The following EFTUD2 variants were observed in gnomAD, a reference collection of about 807,000 sequenced individuals.
The protein encoded by EFTUD2 is 116 kDa U5 small nuclear ribonucleoprotein component.
In EFTUD2, 9 loss-of-function variants were observed where a neutral mutation model predicts 114.3. The observed-to-expected ratio is 0.08, with a 90% CI of 0.05 to 0.14. EFTUD2 has a LOEUF of 0.14. Ranked by LOEUF, EFTUD2 falls within the 10% of genes least tolerant of loss-of-function variation. EFTUD2 has a pLI of 1.00. For synonymous variants in EFTUD2, 449 were observed against 462.3 expected, an observed-to-expected ratio of 0.97 and a Z score of 0.37; for missense variants, 765 against 1,241.2, an observed-to-expected ratio of 0.62 and a Z score of 5.76.
rs1300729296 is a variant in EFTUD2, at chr17:44,851,754, G to A, written c.2779C>T (p.Pro927Ser). Residue 927 changes from proline (P) to serine (S), a missense_variant, in exon 27 of 28, where the codon CCT becomes TCT. Pro to Ser is a moderately conservative substitution (Grantham distance 74). This residue lies in a region of EFTUD2 where 166 missense variants were observed against 401.5 expected (regional missense o/e 0.41). Transcript: ENST00000426333. ...ATCATGAATTCCCGGGCCAGGTGAGGAGCTGGCTGTGGCTCCAAGGGGCGG... is the reference window on the plus strand; with the variant it reads ...ATCATGAATTCCCGGGCCAGGTGAGAAGCTGGCTGTGGCTCCAAGGGGCGG... ...VIRPLEPQPA[P>S]HLAREFMIKT... 1 of 1,601,212 alleles carries A rather than the reference G, an allele frequency of 6.2e-7. No homozygotes were observed. Among genetic ancestry groups the A allele is most frequent in the Non-Finnish European group, 8.5e-7 (1 of 1,175,420 alleles).
chr17:44,869,460 A>G (rs2050808263), intron 11 of EFTUD2, among the ~76,000 whole-genome samples: 1 of 151,934 alleles, frequency 6.6e-6, no homozygotes, highest in Admixed American at 6.6e-5. Flanking sequence ...CATCACGGCC[A>G]GCTAATTTTT....
At position 44,850,144 on chromosome 17, in the gene EFTUD2, A is replaced by T; in HGVS notation, c.*1130T>A. 1.8e-6 allele frequency: 1 copy of T among 554,058 alleles called. No homozygotes were observed. Among genetic ancestry groups the T allele is most frequent in the Non-Finnish European group, 3.3e-6 (1 of 307,100 alleles). The allele number at this position is 554,058 out of a possible 1,614,324, so 34.3% of individuals were successfully genotyped here. A position where few individuals can be genotyped will look rare whatever the true frequency, so the allele number is the denominator to read the frequency against. Reference sequence around the variant, plus strand: ...ATGTGAAAGTGTTTCGTGAACTGTCAGATAAGTGGTTTCCCCAGGTTGTGT... The same window carrying T: ...ATGTGAAAGTGTTTCGTGAACTGTCTGATAAGTGGTTTCCCCAGGTTGTGT... On this transcript the variant is annotated 3_prime_UTR_variant, in exon 28 of 28. Coordinates refer to ENST00000426333, the MANE Select transcript of EFTUD2 (RefSeq NM_004247.4).
intron 11 of EFTUD2, among the ~76,000 whole-genome samples, chr17:44,868,751 G>C (rs1436692938): frequency 6.6e-6 from 1 of 152,184 alleles, no homozygotes; most frequent in Non-Finnish European, 1.5e-5. Flanking sequence ...ATGTAGACAA[G>C]CTCGACTCTG....
At chr17:44,881,838 G>T in intron 6 of EFTUD2, 116 bp from the exon 7 acceptor site, 2 of 930,850 alleles carry the variant, frequency 2.1e-6, no homozygotes, top group Non-Finnish European at 3.4e-6. Context: ...AGATTAAAGA[G>T]AGAGAGAGAG....
chr17:44,893,882 A>G (rs901787443), intron 2 of EFTUD2, among the ~76,000 whole-genome samples: 1 of 149,618 alleles, frequency 6.7e-6, no homozygotes, highest in Admixed American at 6.7e-5. Context: ...CCTGGACAAC[A>G]TAGTGAAACC....
chr17:44,893,240 G>A (rs1277752874), intron 2 of EFTUD2, among the ~76,000 whole-genome samples: 2 of 151,558 alleles, frequency 1.3e-5, no homozygotes, highest in East Asian at 1.9e-4. Flanking sequence ...TTCCTGCCTC[G>A]GCCTTCCAAG....
chr17:44,877,905 G>T (rs1246654209), intron 9 of EFTUD2, among the ~76,000 whole-genome samples: 1 of 152,006 alleles, frequency 6.6e-6, no homozygotes, highest in Non-Finnish European at 1.5e-5. Flanking sequence ...GCCTAGGTGG[G>T]CAGATCACTT....
At chr17:44,891,589 A>G (rs111734122) in intron 2 of EFTUD2, among the ~76,000 whole-genome samples, 2,497 of 152,246 alleles carry the variant, frequency 0.016, 73 homozygotes, top group African/African-American at 0.057. Context: ...GGTTCAAGTG[A>G]TCCTCCTGCC....
At chr17:44,879,813 T>G (rs915050596) in intron 8 of EFTUD2, among the ~76,000 whole-genome samples, 175 bp from the exon 9 acceptor site, 1 of 152,036 alleles carries the variant, frequency 6.6e-6, no homozygotes, top group Non-Finnish European at 1.5e-5. Context: ...ATCCTTGCAT[T>G]AAGCTTTCCT....
chr17:44,875,984 A>G lies in EFTUD2; in HGVS notation c.819T>C (p.Asp273=), dbSNP rs776535335. 5.6e-6 allele frequency: 9 copies of G among 1,614,150 alleles called. No individual in the cohort carries two copies. The South Asian group carries it at 8.8e-5, about 16-fold the overall frequency. Residue 273 remains aspartate (D), a synonymous_variant, in exon 10 of 28, where the codon GAT becomes GAC. Coordinates refer to ENST00000426333, the MANE Select transcript of EFTUD2 (RefSeq NM_004247.4). ...CAATGTGGCGCAGCTTGTAATAAGC[A>G]TCAGTTGGAGGCAGCTTCAGCTCCA... ...LILELKLPPT[D]AYYKLRHIVD...
rs1458189148 is a variant in EFTUD2 at position 44,850,504 on chromosome 17, A to T, written c.*770T>A. On this transcript the variant is annotated 3_prime_UTR_variant, in exon 28 of 28. Coordinates refer to ENST00000426333, the MANE Select transcript of EFTUD2 (RefSeq NM_004247.4). Reference sequence around the variant, plus strand: ...AACAGACTCTTTTTCACTGGGGGAGAACAGAGTAAGGGACTGGTGGTAGCT... The same window carrying T: ...AACAGACTCTTTTTCACTGGGGGAGTACAGAGTAAGGGACTGGTGGTAGCT... 1.2e-6 allele frequency: 1 copy of T among 808,412 alleles called. No individual in the cohort carries two copies. The highest frequency in any genetic ancestry group is 2.1e-6 in the Non-Finnish European group (1 of 482,958). The allele number at this position is 808,412 out of a possible 1,614,324, so 50.1% of individuals were successfully genotyped here.
intron 20 of EFTUD2, among the ~76,000 whole-genome samples, chr17:44,856,537 A>C (rs1400959624): frequency 1.4e-5 from 2 of 145,698 alleles, no homozygotes; most frequent in Non-Finnish European, 3.0e-5. Context: ...TAAAAAAAAG[A>C]AAAAAAAAGT....
intron 11 of EFTUD2, among the ~76,000 whole-genome samples, chr17:44,870,800 A>T (rs1300103733): frequency 6.6e-6 from 1 of 152,132 alleles, no homozygotes; most frequent in Non-Finnish European, 1.5e-5. Context: ...TGGGCGGATC[A>T]CGAGGTCAGG....
In EFTUD2 at chr17:44,864,865, T is replaced by A. The variant is rs561609641; in HGVS notation, c.1285+65A>T. 9.5e-6 allele frequency: 15 copies of A among 1,570,856 alleles called. No individual in the cohort carries two copies. The African/African-American group carries it at 1.8e-4, about 19-fold the overall frequency. The stretch of plus-strand genomic sequence containing the variant: ...ACCTCCATCGCTGGGTGAGAAAAAA[T>A]TGCTGTGATACCTGTGGCAGGGCAC... On this transcript the variant is annotated intron_variant, in intron 14 of 27. Coordinates refer to ENST00000426333, the MANE Select transcript of EFTUD2 (RefSeq NM_004247.4).
chr17:44,859,016 A>G lies in EFTUD2; in HGVS notation c.1962+64T>C, dbSNP rs1361387525. ...TTCCCTTGGAGCTTCCCAGGAATTC[A>G]AGGATTTGGTCACTTGTGAAAAGTC... On this transcript the variant is annotated intron_variant, in intron 19 of 27. Transcript: ENST00000426333. The G allele has an allele frequency of 3.6e-5, 39 of 1,077,840 alleles. 1 individual carries two copies. The East Asian group carries it at 8.7e-4, about 24-fold the overall frequency. The allele number at this position is 1,077,840 out of a possible 1,614,324, so 66.8% of individuals were successfully genotyped here. A position where few individuals can be genotyped will look rare whatever the true frequency, so the allele number is the denominator to read the frequency against.
intron 14 of EFTUD2, among the ~76,000 whole-genome samples, chr17:44,864,368 A>G (rs1176497158): frequency 6.6e-6 from 1 of 152,192 alleles, no homozygotes; most frequent in African/African-American, 2.4e-5. Context: ...TTAGAATCAG[A>G]GACTGCTGAG....
intron 8 of EFTUD2, among the ~76,000 whole-genome samples, chr17:44,879,984 G>A (rs2051040891): frequency 6.6e-6 from 1 of 152,202 alleles, no homozygotes. Flanking sequence ...AGGGCCTGGA[G>A]CACAGTGTGC....
chr17:44,865,203 G>T, intron 13 of EFTUD2, 138 bp from the exon 14 acceptor site: 1 of 1,306,514 alleles, frequency 7.7e-7, no homozygotes, highest in Non-Finnish European at 1.0e-6. Flanking sequence ...CTCTTGGCAA[G>T]GACAAAAGTT....
intron 15 of EFTUD2, 196 bp downstream of exon 15, chr17:44,863,459 G>A: frequency 1.6e-6 from 1 of 641,878 alleles, no homozygotes; most frequent in Non-Finnish European, 2.5e-6. Flanking sequence ...TTGAGGCTCA[G>A]GAAATGTGAG....
Sources: allele counts gnomAD v4.1 joint callset (sites outside exome capture counted in the v4.1 genomes callset), GRCh38; gene constraint gnomAD v4.1.1; regional missense constraint gnomAD v4.1.1; transcripts MANE v1.5; gene names NCBI Gene and HGNC (gene_info 2026-07-23, HGNC 2026-07-21).